RBFOX1: variants seen among roughly 807,000 people sequenced by gnomAD.
RBFOX1 encodes RNA binding fox-1 homolog 1.
RBFOX1 carries 8 observed loss-of-function variants against 57.7 expected under a neutral mutation model. The ratio of observed to expected loss-of-function variants is 0.14; its 90% confidence interval spans 0.08 to 0.25. RBFOX1 has a LOEUF of 0.25. Ranked by LOEUF, RBFOX1 falls within the 10% of genes least tolerant of loss-of-function variation. The pLI is 1.00. For synonymous variants in RBFOX1, 326 were observed against 222.4 expected (o/e 1.47, Z -4.15); for missense variants, 611 against 548.5 (o/e 1.11, Z -1.14).
chr16:6,045,307 A>G (rs2095483744), intron 1 of RBFOX1, among the ~76,000 whole-genome samples: 1 of 152,148 alleles, frequency 6.6e-6, no homozygotes, highest in African/African-American at 2.4e-5. Flanking sequence ...CCTTTTAAGG[A>G]TGGGTGAATG....
chr16:5,977,105 G>C (rs1047249984), intron 4 of RBFOX1, among the ~76,000 whole-genome samples: 3 of 152,230 alleles, frequency 2.0e-5, no homozygotes, highest in Non-Finnish European at 4.4e-5. Flanking sequence ...CAAGTCTTCT[G>C]GGTAATTTTC....
At chr16:7,222,118 G>C (rs922151494) in intron 4 of RBFOX1, among the ~76,000 whole-genome samples, 6 of 152,152 alleles carry the variant, frequency 3.9e-5, no homozygotes, top group African/African-American at 1.2e-4. Context: ...GCAGTGGTGA[G>C]GATTTCAGCT....
At chr16:7,271,011 AG>A (rs1490450398) in intron 4 of RBFOX1, among the ~76,000 whole-genome samples, 1 of 152,150 alleles carries the variant, frequency 6.6e-6, no homozygotes, top group Non-Finnish European at 1.5e-5. Context: ...TGTCTTTATT[AG>A]CCCTGCTTAA....
At chr16:6,709,128 A>G (rs2063302012) in intron 3 of RBFOX1, among the ~76,000 whole-genome samples, 2 of 152,210 alleles carry the variant, frequency 1.3e-5, no homozygotes, top group Admixed American at 1.3e-4. Flanking sequence ...TGTAACAGAA[A>G]GTATCTTAAA....
intron 4 of RBFOX1, among the ~76,000 whole-genome samples, chr16:7,336,202 A>T (rs1401039438): frequency 6.6e-6 from 1 of 152,208 alleles, no homozygotes; most frequent in Non-Finnish European, 1.5e-5. Flanking sequence ...GGTCTTAGCC[A>T]AGCCATGGAC....
intron 3 of RBFOX1, among the ~76,000 whole-genome samples, chr16:5,860,939 T>C (rs1454643348): frequency 6.6e-6 from 1 of 152,232 alleles, no homozygotes; most frequent in Non-Finnish European, 1.5e-5. Flanking sequence ...AGCTTCATTC[T>C]CTGCTTTGCT....
At chr16:7,007,198 C>G (rs2153646480) in intron 3 of RBFOX1, among the ~76,000 whole-genome samples, 1 of 152,312 alleles carries the variant, frequency 6.6e-6, no homozygotes, top group East Asian at 1.9e-4. Flanking sequence ...GCTGAAGTCT[C>G]CATTTCTTTA....
chr16:6,123,612 A>G (rs111339635), intron 1 of RBFOX1, among the ~76,000 whole-genome samples: 1 of 152,220 alleles, frequency 6.6e-6, no homozygotes, highest in East Asian at 1.9e-4. Context: ...AATGTACTCA[A>G]TGCCACTGAA....
intron 3 of RBFOX1, among the ~76,000 whole-genome samples, chr16:6,762,149 C>T (rs1304829832): frequency 2.0e-5 from 3 of 152,094 alleles, no homozygotes; most frequent in Non-Finnish European, 4.4e-5. Context: ...GTCTTCTCCT[C>T]TGTAAAATGT....
intron 4 of RBFOX1, among the ~76,000 whole-genome samples, chr16:7,208,577 T>C (rs2090464531): frequency 6.6e-6 from 1 of 152,106 alleles, no homozygotes; most frequent in Admixed American, 6.5e-5. Flanking sequence ...GGCTCATACC[T>C]GTAACCCCAG....
At position 6,710,355 on chromosome 16, in the gene RBFOX1, A is replaced by G. The variant is rs555265732; in HGVS notation, c.-16+55705A>G. On this transcript the variant is annotated intron_variant, in intron 3 of 15. Transcript: ENST00000550418. ...CAGTAAAAATAAACAGGTGAAATTA[A>G]TGCATTTTATTTAACCCAAATATCC... Among the ~76,000 whole-genome samples, 103 of 152,372 alleles carry G rather than the reference A, an allele frequency of 6.8e-4. 1 individual carries two copies. The highest frequency in any genetic ancestry group is 1.3e-3 in the Non-Finnish European group (89 of 68,040).
chr16:6,810,926 C>A (rs1214992421), intron 3 of RBFOX1, among the ~76,000 whole-genome samples: 1 of 152,158 alleles, frequency 6.6e-6, no homozygotes, highest in Non-Finnish European at 1.5e-5. Flanking sequence ...CAAATCATAT[C>A]AAGGTTCGGT....
intron 1 of RBFOX1, among the ~76,000 whole-genome samples, chr16:6,034,094 G>T (rs1596540208): frequency 6.6e-6 from 1 of 152,034 alleles, no homozygotes; most frequent in East Asian, 1.9e-4. Context: ...CAGCCCTTTG[G>T]GAGGCCGAGG....
chr16:5,247,624 A>T (rs2062335523), intron 1 of RBFOX1, among the ~76,000 whole-genome samples: 1 of 152,206 alleles, frequency 6.6e-6, no homozygotes, highest in African/African-American at 2.4e-5. Context: ...ATTGGAACAC[A>T]GCCACACCTA....
chr16:7,425,410 T>A (rs2098600828), intron 4 of RBFOX1, among the ~76,000 whole-genome samples: 1 of 152,206 alleles, frequency 6.6e-6, no homozygotes, highest in Non-Finnish European at 1.5e-5. Flanking sequence ...GATCATGTAA[T>A]AGAAAACTTC....
intron 2 of RBFOX1, among the ~76,000 whole-genome samples, chr16:6,522,242 C>G (rs1025081595): frequency 6.6e-6 from 1 of 151,002 alleles, no homozygotes; most frequent in Non-Finnish European, 1.5e-5. Flanking sequence ...GTAGATAAAC[C>G]TCTGCCCTAC....
At chr16:5,822,980 G>C (rs1367664815) in intron 3 of RBFOX1, among the ~76,000 whole-genome samples, 1 of 152,190 alleles carries the variant, frequency 6.6e-6, no homozygotes, top group Non-Finnish European at 1.5e-5. Context: ...AGAGGTCTTA[G>C]GGCACCAAGC....
At chr16:6,337,435 T>C (rs560128405) in intron 2 of RBFOX1, among the ~76,000 whole-genome samples, 1 of 152,290 alleles carries the variant, frequency 6.6e-6, no homozygotes, top group African/African-American at 2.4e-5. Context: ...CTCAGATATT[T>C]GCAGGTGAAA....
intron 3 of RBFOX1, among the ~76,000 whole-genome samples, chr16:6,769,187 C>A (rs370691525): frequency 1.3e-5 from 2 of 152,066 alleles, no homozygotes; most frequent in Non-Finnish European, 2.9e-5. Flanking sequence ...GTGCATAAGC[C>A]TCATGAGATC....
Sources: allele counts gnomAD v4.1 joint callset (sites outside exome capture counted in the v4.1 genomes callset), GRCh38; gene constraint gnomAD v4.1.1; transcripts MANE v1.5; gene names NCBI Gene and HGNC (gene_info 2026-07-23, HGNC 2026-07-21).